Variants in FSBP observed in about 807,000 individuals in gnomAD.
FSBP encodes fibrinogen silencer-binding protein.
FSBP carries 18 observed loss-of-function variants against 24.6 expected under a neutral mutation model. That is an observed-to-expected ratio of 0.73 (90% CI 0.51 to 1.08). The LOEUF is 1.08. Among genes scored for constraint, FSBP ranks in the 50% least tolerant of loss-of-function variants. The pLI is 0.00. For missense variants in FSBP, 305 were observed against 347.6 expected (o/e 0.88, Z 0.98); for synonymous variants, 110 against 125.8 (o/e 0.87, Z 0.84).
chr8:94,431,797 A>C lies in FSBP; in HGVS notation c.*334T>G. On this transcript the variant is annotated 3_prime_UTR_variant, in exon 2 of 2. Transcript: ENST00000481490. ...TCTAATTATAGCTTTCAAAGTTCTA[A>C]CTAAAAATGTTGAAGACTCAGAACT... 1 of 1,007,804 alleles carries C rather than the reference A, an allele frequency of 9.9e-7. No homozygotes were observed. The highest frequency in any genetic ancestry group is 1.7e-5 in the African/African-American group (1 of 58,016). 62.4% of individuals were successfully genotyped at this position (1,007,804 alleles called of 1,614,324 possible). A position where few individuals can be genotyped will look rare whatever the true frequency, so the allele number is the denominator to read the frequency against.
In FSBP at chr8:94,429,695, A is replaced by G. The variant is rs1260865812; in HGVS notation, c.*2436T>C. 1.0e-6 allele frequency: 1 copy of G among 983,198 alleles called. No individual in the cohort carries two copies. The highest frequency in any genetic ancestry group is 1.2e-6 in the Non-Finnish European group (1 of 828,006). 60.9% of individuals were successfully genotyped at this position (983,198 alleles called of 1,614,324 possible). A position where few individuals can be genotyped will look rare whatever the true frequency, so the allele number is the denominator to read the frequency against. On this transcript the variant is annotated 3_prime_UTR_variant, in exon 2 of 2. Coordinates refer to ENST00000481490, the MANE Select transcript of FSBP (RefSeq NM_001256141.2). ...TCAAAGAAAAGTCATAGCACAGATT[A>G]AAGAGAAAAGGTAACATTGTCAAAA...
At chr8:94,435,327 A>G (rs576301037) in intron 1 of FSBP, among the ~76,000 whole-genome samples, 2 of 152,102 alleles carry the variant, frequency 1.3e-5, no homozygotes, top group African/African-American at 2.4e-5. Context: ...AATAAGCAGT[A>G]TCTGGTAAGA....
chr8:94,433,526 T>A (rs1313748658), intron 1 of FSBP, among the ~76,000 whole-genome samples: 1 of 152,106 alleles, frequency 6.6e-6, no homozygotes, highest in African/African-American at 2.4e-5. Flanking sequence ...AATTTACACA[T>A]AATTTCCACC....
In FSBP at chr8:94,436,807, A is replaced by G; in HGVS notation, c.62T>C (p.Leu21Pro). ...GAGAATTTTCACATATGGCTTCACA[A>G]GCTTTAGCAAATCAAGCTTTTCGGA... ...TLSEKLDLLK[L>P]VKPYVKILEE... is the part of the protein sequence containing the mutation. Residue 21 changes from leucine (L) to proline (P), a missense_variant, in exon 1 of 2, where the codon CTT becomes CCT. Physicochemically the swap from Leu to Pro is moderately conservative, Grantham distance 98. Transcript: ENST00000481490. 6.5e-7 allele frequency: 1 copy of G among 1,548,564 alleles called. No individual in the cohort carries two copies. The highest frequency in any genetic ancestry group is 8.7e-7 in the Non-Finnish European group (1 of 1,146,418).
At chr8:94,436,357 A>T in intron 1 of FSBP, 138 bp downstream of exon 1, 1 of 1,180,596 alleles carries the variant, frequency 8.5e-7, no homozygotes, top group Non-Finnish European at 1.1e-6. Context: ...TTCTCTTTTT[A>T]AAAAATGCAA....
At chr8:94,434,717 A>AT (rs1812208929) in intron 1 of FSBP, among the ~76,000 whole-genome samples, 1 of 151,646 alleles carries the variant, frequency 6.6e-6, no homozygotes. Flanking sequence ...TTAAAGAAAT[A>AT]AGCTAATACA....
In FSBP at chr8:94,432,654, G is replaced by A; in HGVS notation, c.377C>T (p.Ala126Val). Residue 126 changes from alanine (A) to valine (V), a missense_variant and splice_region_variant, in exon 2 of 2, where the codon GCA (alanine) becomes GTA (valine). Coordinates refer to ENST00000481490, the MANE Select transcript of FSBP (RefSeq NM_001256141.2). ...LVRDRNHIQS[A>V]NLDEEAQAGT... ...AGCCTGTGCCTCCTCATCCAAGTTT[G>A]CACTATAGCACACAAAAAAGCATTA... 6.6e-7 allele frequency: 1 copy of A among 1,504,256 alleles called. No individual in the cohort carries two copies. Among genetic ancestry groups the A allele is most frequent in the Non-Finnish European group, 8.9e-7 (1 of 1,124,588 alleles). 93.2% of individuals were successfully genotyped at this position (1,504,256 alleles called of 1,614,324 possible). A position where few individuals can be genotyped will look rare whatever the true frequency, so the allele number is the denominator to read the frequency against.
Position 94,429,322 on chromosome 8 carries a change from A to G in FSBP, c.*2809T>C. 1 of 457,272 alleles carries G rather than the reference A, an allele frequency of 2.2e-6. No individual in the cohort carries two copies. The highest frequency in any genetic ancestry group is 2.9e-6 in the Non-Finnish European group (1 of 347,682). The allele number at this position is 457,272 out of a possible 1,614,324, so 28.3% of individuals were successfully genotyped here. The stretch of plus-strand genomic sequence containing the variant: ...GGAATTTTCAAGGGCTATTTTGTAT[A>G]TACATAATTTTTACCTTCCACAATT... On this transcript the variant is annotated 3_prime_UTR_variant, in exon 2 of 2. Transcript: ENST00000481490.
rs1345500680 is a variant in FSBP at position 94,430,442 on chromosome 8, G to A, written c.*1689C>T. The A allele has an allele frequency of 2.0e-6, 2 of 984,880 alleles. No homozygotes were observed. The highest frequency in any genetic ancestry group is 1.7e-5 in the African/African-American group (1 of 57,144). The allele number at this position is 984,880 out of a possible 1,614,324, so 61.0% of individuals were successfully genotyped here. On this transcript the variant is annotated 3_prime_UTR_variant, in exon 2 of 2. Coordinates refer to ENST00000481490, the MANE Select transcript of FSBP (RefSeq NM_001256141.2). Reference sequence around the variant, plus strand: ...GAGACTAGTATGATTTAGGCACCAAGCGAGGTTCCAAAATACTCTGTTTCA... The same window carrying A: ...GAGACTAGTATGATTTAGGCACCAAACGAGGTTCCAAAATACTCTGTTTCA...
Position 94,428,494 on chromosome 8 carries a change from A to T in FSBP, c.*3637T>A. On this transcript the variant is annotated 3_prime_UTR_variant, in exon 2 of 2. Transcript: ENST00000481490. ...CACATCCTTCCATATACTTTAAATCATCTCTAGATTACTTACAATGGCTAA... is the reference window on the plus strand; with the variant it reads ...CACATCCTTCCATATACTTTAAATCTTCTCTAGATTACTTACAATGGCTAA... 2 of 244,546 alleles carry T rather than the reference A, an allele frequency of 8.2e-6. No individual in the cohort carries two copies. Among genetic ancestry groups the T allele is most frequent in the South Asian group, 1.5e-4 (1 of 6,530 alleles). 15.1% of individuals were successfully genotyped at this position (244,546 alleles called of 1,614,324 possible). A position where few individuals can be genotyped will look rare whatever the true frequency, so the allele number is the denominator to read the frequency against.
chr8:94,428,282 C>T lies in FSBP; in HGVS notation c.*3849G>A. On this transcript the variant is annotated 3_prime_UTR_variant, in exon 2 of 2. Transcript: ENST00000481490. ...TCTTCTCTATGTTCTCCCAGCATTA[C>T]ATTTTGTAATTAAAGCTCATGGACC... The T allele has an allele frequency of 2.0e-6, 2 of 977,558 alleles. No homozygotes were observed. The highest frequency in any genetic ancestry group is 4.7e-5 in the South Asian group (1 of 21,110). 60.6% of individuals were successfully genotyped at this position (977,558 alleles called of 1,614,324 possible). A position where few individuals can be genotyped will look rare whatever the true frequency, so the allele number is the denominator to read the frequency against.
chr8:94,434,650 T>C (rs1235868093), intron 1 of FSBP, among the ~76,000 whole-genome samples: 1 of 151,564 alleles, frequency 6.6e-6, no homozygotes, highest in Non-Finnish European at 1.5e-5. Flanking sequence ...CTTCTGAGAT[T>C]ATTAAGATTC....
chr8:94,432,589 C>T lies in FSBP; in HGVS notation c.442G>A (p.Val148Ile), dbSNP rs1454707379. The change falls in exon 2 of 2, where the codon GTT (valine) becomes ATT (isoleucine). Residue 148 changes from valine (V) to isoleucine (I), a missense_variant. Val to Ile is a conservative substitution (Grantham distance 29). Transcript: ENST00000481490. Reference protein sequence around the residue: ...SLQVMLDHHPVAITVEVKQEE... With the variant: ...SLQVMLDHHPIAITVEVKQEE... ...TGCTTCACCTCCACTGTAATAGCAA[C>T]AGGATGGTGATCCAACATTACCTGT... 1 of 1,550,106 alleles carries T rather than the reference C, an allele frequency of 6.5e-7. No homozygotes were observed. The highest frequency in any genetic ancestry group is 8.7e-7 in the Non-Finnish European group (1 of 1,146,722).
Position 94,429,109 on chromosome 8 carries a change from T to A in FSBP, c.*3022A>T. The A allele has an allele frequency of 1.0e-6, 1 of 985,328 alleles. No homozygotes were observed. Among genetic ancestry groups the A allele is most frequent in the Non-Finnish European group, 1.2e-6 (1 of 829,830 alleles). The allele number at this position is 985,328 out of a possible 1,614,324, so 61.0% of individuals were successfully genotyped here. A position where few individuals can be genotyped will look rare whatever the true frequency, so the allele number is the denominator to read the frequency against. ...AACAAGATTGACTTGGAAAAGTTGC[T>A]GCAGTAAACTCAAAGAGTGTGATTC... On this transcript the variant is annotated 3_prime_UTR_variant, in exon 2 of 2. Transcript: ENST00000481490.
rs1340036010 is a variant in FSBP at position 94,432,499 on chromosome 8, G to A, written c.532C>T (p.Gln178Ter). 6.4e-7 allele frequency: 1 copy of A among 1,550,492 alleles called. No homozygotes were observed. The highest frequency in any genetic ancestry group is 8.7e-7 in the Non-Finnish European group (1 of 1,146,876). ...TGTACTAATTCATGTTCTTCTCTTT[G>A]CTCTAAAGTATCACTCTGTTGAGAA... ...LNSQQSDTLEQREEHELVHVM... is the reference protein window; with the variant it reads ...LNSQQSDTLE Residue 178 changes from glutamine (Q) to a stop codon, truncating the protein, a stop_gained, in exon 2 of 2, where the codon CAA becomes TAA. Transcript: ENST00000481490. LOFTEE classifies it high-confidence loss of function.
Position 94,428,833 on chromosome 8 carries a change from C to T in FSBP, c.*3298G>A. 4.1e-6 allele frequency: 4 copies of T among 984,806 alleles called. No individual in the cohort carries two copies. Among genetic ancestry groups the T allele is most frequent in the Non-Finnish European group, 4.8e-6 (4 of 829,744 alleles). The allele number at this position is 984,806 out of a possible 1,614,324, so 61.0% of individuals were successfully genotyped here. A position where few individuals can be genotyped will look rare whatever the true frequency, so the allele number is the denominator to read the frequency against. On this transcript the variant is annotated 3_prime_UTR_variant, in exon 2 of 2. Transcript: ENST00000481490. Reference sequence around the variant, plus strand: ...TGTTAGTTGGTAAGTAGTCCCCTAACTCAAAAAAGTCTCAATACAAAAAAG... The same window carrying T: ...TGTTAGTTGGTAAGTAGTCCCCTAATTCAAAAAAGTCTCAATACAAAAAAG...
chr8:94,436,815 C>T lies in FSBP; in HGVS notation c.54G>A (p.Leu18=). Residue 18 remains leucine (L), a synonymous_variant, in exon 1 of 2, where the codon TTG becomes TTA. Coordinates refer to ENST00000481490, the MANE Select transcript of FSBP (RefSeq NM_001256141.2). The part of the protein sequence containing the change: ...SNFTLSEKLD[L]LKLVKPYVKI... ...TCACATATGGCTTCACAAGCTTTAG[C>T]AAATCAAGCTTTTCGGATAAGGTAA... 1 of 1,547,358 alleles carries T rather than the reference C, an allele frequency of 6.5e-7. No homozygotes were observed. The highest frequency in any genetic ancestry group is 8.7e-7 in the Non-Finnish European group (1 of 1,145,996).
At chr8:94,432,792 T>TA (rs1429489121) in intron 1 of FSBP, 136 bp from the exon 2 acceptor site, 2 of 1,166,194 alleles carry the variant, frequency 1.7e-6, no homozygotes, top group East Asian at 5.6e-5. Flanking sequence ...AAAAAAATCT[T>TA]AAACACTTGA....
rs1357691648 is a variant in FSBP at position 94,427,803 on chromosome 8, T to G, written c.*4328A>C. The G allele has an allele frequency of 2.1e-6, 2 of 959,096 alleles. No individual in the cohort carries two copies. Among genetic ancestry groups the G allele is most frequent in the African/African-American group, 1.8e-5 (1 of 56,542 alleles). 59.4% of individuals were successfully genotyped at this position (959,096 alleles called of 1,614,324 possible). Reference sequence around the variant, plus strand: ...TACAGTATATATTAAACACAATTTATTACACTCTAAGTTATTTAAACATGT... The same window carrying G: ...TACAGTATATATTAAACACAATTTAGTACACTCTAAGTTATTTAAACATGT... On this transcript the variant is annotated 3_prime_UTR_variant, in exon 2 of 2. Coordinates refer to ENST00000481490, the MANE Select transcript of FSBP (RefSeq NM_001256141.2).
Sources: gnomAD v4.1 joint callset for allele counts (sites outside exome capture counted in the v4.1 genomes callset) on GRCh38, gnomAD v4.1.1 for gene constraint, MANE v1.5 for transcripts, NCBI Gene and HGNC (gene_info 2026-07-23, HGNC 2026-07-21) for gene names.